LRRC36: variants seen among roughly 807,000 people sequenced by gnomAD.
The protein encoded by LRRC36 is leucine-rich repeat-containing protein 36.
Under a neutral mutation model 81.1 loss-of-function variants are expected in LRRC36, and 62 were observed. The ratio of observed to expected loss-of-function variants is 0.76; its 90% confidence interval spans 0.62 to 0.94. The LOEUF (loss-of-function observed/expected upper bound fraction) is 0.94, where lower values mean the gene tolerates loss of function less well. Ranked by LOEUF, LRRC36 falls within the 40% of genes least tolerant of loss-of-function variation. The probability of loss-of-function intolerance (pLI) is 0.00; values close to 1 mark genes in which losing one functional copy is unlikely to be tolerated. For missense variants in LRRC36, 761 were observed against 881.7 expected (o/e 0.86, Z 1.73); for synonymous variants, 334 against 348.6 (o/e 0.96, Z 0.47).
Position 67,382,257 on chromosome 16 carries a change from G to A in LRRC36, c.2045+10G>A, listed in dbSNP as rs754452095. ...TCCATGAAAGTCAGAGGTAGGAGAG[G>A]GTCTATCTAGCTTGCTTCTAGAAGC... is the stretch of plus-strand genomic sequence containing the variant. On this transcript the variant is annotated intron_variant, in intron 13 of 13. Transcript: ENST00000329956. 30 of 1,586,862 alleles carry A rather than the reference G, an allele frequency of 1.9e-5. No individual in the cohort carries two copies. Among genetic ancestry groups the A allele is most frequent in the South Asian group, 2.2e-5 (2 of 90,116 alleles).
At chr16:67,372,353 T>C (rs1431609245) in intron 9 of LRRC36, among the ~76,000 whole-genome samples, 5 of 149,424 alleles carry the variant, frequency 3.3e-5, no homozygotes, top group Non-Finnish European at 7.4e-5. Flanking sequence ...TGAGACTCTG[T>C]CTCCAAAAAA....
chr16:67,350,186 T>C lies in LRRC36; in HGVS notation c.489-16T>C, dbSNP rs1164810650. On this transcript the variant is annotated splice_polypyrimidine_tract_variant and intron_variant, in intron 4 of 13. Coordinates refer to ENST00000329956, the MANE Select transcript of LRRC36 (RefSeq NM_018296.6). ...TTTTTTTTTTTGAGTTGTAAATAAA[T>C]TATTCTATGTGGCAGCTCTAGGGAG... The C allele has an allele frequency of 6.6e-7, 1 of 1,517,394 alleles. No individual in the cohort carries two copies. Among genetic ancestry groups the C allele is most frequent in the Admixed American group, 2.1e-5 (1 of 48,518 alleles). 94.0% of individuals were successfully genotyped at this position (1,517,394 alleles called of 1,614,324 possible).
At position 67,371,178 on chromosome 16, in the gene LRRC36, G is replaced by T; in HGVS notation, c.1430G>T (p.Trp477Leu). The T allele has an allele frequency of 6.2e-7, 1 of 1,614,184 alleles. No homozygotes were observed. Among genetic ancestry groups the T allele is most frequent in the Non-Finnish European group, 8.5e-7 (1 of 1,180,024 alleles). Residue 477 changes from tryptophan (W) to leucine (L), a missense_variant, in exon 9 of 14, where the codon TGG becomes TTG. By Grantham distance (61) the Trp-to-Leu change is moderately conservative. Coordinates refer to ENST00000329956, the MANE Select transcript of LRRC36 (RefSeq NM_018296.6). ...AGCCCATCGAAGAGAGGATTCAAAT[G>T]GAAGGACAATATCCTTGCCAACCTG... ...SLSPSKRGFKWKDNILANLNL... is the reference protein window; with the variant it reads ...SLSPSKRGFKLKDNILANLNL...
chr16:67,347,290 A>C, intron 3 of LRRC36: 1 of 818,072 alleles, frequency 1.2e-6, no homozygotes. Flanking sequence ...ACTGTGAGGC[A>C]GTGGTCGCTA....
intron 3 of LRRC36, chr16:67,347,241 T>C (rs1364859776): frequency 4.5e-6 from 2 of 448,880 alleles, no homozygotes; most frequent in African/African-American, 4.1e-5. Flanking sequence ...CTTTGAATTG[T>C]TTACTGTCCA....
chr16:67,364,180 G>T lies in LRRC36; in HGVS notation c.702+466G>T, dbSNP rs138399583. Among the ~76,000 whole-genome samples, 1,224 of 152,348 alleles carry T rather than the reference G, an allele frequency of 8.0e-3. 7 individuals carry two copies. The highest frequency in any genetic ancestry group is 0.012 in the Non-Finnish European group (811 of 68,040). ...GAAAAAGTAAAGTTTAAGGGGTAAA[G>T]ATGGCATGGAAGTTGTGGGCAATGG... On this transcript the variant is annotated intron_variant, in intron 6 of 13. Transcript: ENST00000329956.
chr16:67,353,061 A>G (rs139522969), intron 5 of LRRC36, among the ~76,000 whole-genome samples: 2 of 152,208 alleles, frequency 1.3e-5, no homozygotes, highest in East Asian at 3.9e-4. Flanking sequence ...GACAACCTGC[A>G]CTGGTCTCTC....
intron 9 of LRRC36, chr16:67,371,982 C>T (rs1469635209): frequency 6.6e-6 from 1 of 152,374 alleles, no homozygotes; most frequent in Non-Finnish European, 1.5e-5. Context: ...ATTAGATTAT[C>T]CAAGGGATTT....
chr16:67,378,451 G>C, intron 11 of LRRC36, 138 bp from the exon 12 acceptor site: 1 of 609,352 alleles, frequency 1.6e-6, no homozygotes, highest in South Asian at 1.9e-5. Context: ...TGTTGCCCAG[G>C]CTGGTCTCGA....
intron 12 of LRRC36, among the ~76,000 whole-genome samples, chr16:67,381,341 G>C (rs1213661052): frequency 6.6e-6 from 1 of 151,996 alleles, no homozygotes; most frequent in Non-Finnish European, 1.5e-5. Context: ...AGTATATTGG[G>C]GAAGCTAGGT....
At chr16:67,331,814 C>G (rs1010460334) in intron 1 of LRRC36, among the ~76,000 whole-genome samples, 3 of 151,586 alleles carry the variant, frequency 2.0e-5, no homozygotes, top group Non-Finnish European at 4.4e-5. Flanking sequence ...ATGTTGAAAC[C>G]CCATCTCTAC....
chr16:67,327,425 G>A (rs1313100115), intron 1 of LRRC36, among the ~76,000 whole-genome samples: 2 of 152,060 alleles, frequency 1.3e-5, no homozygotes, highest in Non-Finnish European at 2.9e-5. Flanking sequence ...CCCGGGAGGC[G>A]GAGGTTGCAG....
intron 3 of LRRC36, among the ~76,000 whole-genome samples, chr16:67,346,835 T>C (rs543407169): frequency 1.3e-5 from 2 of 152,196 alleles, no homozygotes; most frequent in Non-Finnish European, 2.9e-5. Flanking sequence ...TTCCTTCAAA[T>C]GAGCTGGTCT....
intron 3 of LRRC36, 76 bp downstream of exon 3, chr16:67,346,524 G>A: frequency 1.1e-6 from 1 of 909,440 alleles, no homozygotes; most frequent in South Asian, 2.4e-5. Context: ...TTGGATGTTG[G>A]CCCACAGTGT....
At chr16:67,339,424 T>A (rs1461547654) in intron 1 of LRRC36, among the ~76,000 whole-genome samples, 4 of 152,172 alleles carry the variant, frequency 2.6e-5, no homozygotes, top group Non-Finnish European at 4.4e-5. Flanking sequence ...TTTAAACTTG[T>A]TTTGAAATAT....
rs1390593578 is a variant in LRRC36 at position 67,376,755 on chromosome 16, G to A, written c.1689G>A (p.Leu563=). The change falls in exon 11 of 14, where the codon TTG becomes TTA. Residue 563 remains leucine, a synonymous_variant. Coordinates refer to ENST00000329956, the MANE Select transcript of LRRC36 (RefSeq NM_018296.6). Reference sequence around the variant, plus strand: ...CTGCCCGAGATTTGCTTCTGTCTTTGGTAGTCCCGGCTCCTTCTCAGCCGA... The same window carrying A: ...CTGCCCGAGATTTGCTTCTGTCTTTAGTAGTCCCGGCTCCTTCTCAGCCGA... ...LGPARDLLLS[L]VVPAPSQPRC... 3 of 1,613,346 alleles carry A rather than the reference G, an allele frequency of 1.9e-6. No individual in the cohort carries two copies. The highest frequency in any genetic ancestry group is 2.5e-6 in the Non-Finnish European group (3 of 1,179,478).
At chr16:67,362,152 CGTTTT>C (rs775184001) in intron 5 of LRRC36, 6 of 451,498 alleles carry the variant, frequency 1.3e-5, no homozygotes, top group Admixed American at 1.2e-4. Flanking sequence ...TGTTCTAATA[CGTTTT>C]GTTTTGTTTT....
rs1167275847 is a variant in LRRC36, at chr16:67,347,610, A to G, written c.488+19A>G. On this transcript the variant is annotated intron_variant, in intron 4 of 13. Transcript: ENST00000329956. ...AAAAAAGGTAAGAAGATTCTTTACA[A>G]AATTTTTAAAGTTTGGTTCTGGACA... 2 of 1,587,368 alleles carry G rather than the reference A, an allele frequency of 1.3e-6. No homozygotes were observed. Among genetic ancestry groups the G allele is most frequent in the Non-Finnish European group, 1.7e-6 (2 of 1,158,000 alleles).
rs1422246901 is a variant in LRRC36, at chr16:67,371,614, G to A, written c.1494+372G>A. On this transcript the variant is annotated intron_variant, in intron 9 of 13. Coordinates refer to ENST00000329956, the MANE Select transcript of LRRC36 (RefSeq NM_018296.6). ...AGGCTGGGCACAGTGGCGCATGCCT[G>A]TAATCCCAGCACTTTGGGAGGCTGA... 4 of 299,820 alleles carry A rather than the reference G, an allele frequency of 1.3e-5. No homozygotes were observed. The East Asian group carries it at 3.2e-4, about 24-fold the overall frequency. The allele number at this position is 299,820 out of a possible 1,614,324, so 18.6% of individuals were successfully genotyped here.
Sources: allele counts gnomAD v4.1 joint callset (sites outside exome capture counted in the v4.1 genomes callset), GRCh38; gene constraint gnomAD v4.1.1; transcripts MANE v1.5; gene names NCBI Gene and HGNC (gene_info 2026-07-23, HGNC 2026-07-21).